The following AKAP9 variants were observed in gnomAD, a reference collection of about 807,000 sequenced individuals.
The protein encoded by AKAP9 is A-kinase anchor protein 9.
In AKAP9, 311 loss-of-function variants were observed where a neutral mutation model predicts 488.5. That is an observed-to-expected ratio of 0.64 (90% confidence interval 0.58 to 0.70). AKAP9 has a LOEUF of 0.70. AKAP9 is among the 30% of genes least tolerant of loss of function. The pLI is 0.00. For synonymous variants in AKAP9, 1,462 were observed against 1,483.5 expected, an observed-to-expected ratio of 0.99 and a Z score of 0.33; for missense variants, 4,215 against 4,374.5, an observed-to-expected ratio of 0.96 and a Z score of 1.03.
intron 40 of AKAP9, among the ~76,000 whole-genome samples, chr7:92,096,135 C>G (rs1816524760): frequency 6.6e-6 from 1 of 152,034 alleles, no homozygotes; most frequent in Non-Finnish European, 1.5e-5. Flanking sequence ...GAAATGTACC[C>G]TGCTTCATAT....
intron 22 of AKAP9, among the ~76,000 whole-genome samples, chr7:92,053,841 T>C (rs887890242): frequency 6.6e-6 from 1 of 152,134 alleles, no homozygotes; most frequent in African/African-American, 2.4e-5. Flanking sequence ...ACCCCAGACC[T>C]ACTGAAACTG....
chr7:92,070,838 AC>A, intron 27 of AKAP9, 66 bp from the exon 28 acceptor site: 11 of 1,220,846 alleles, frequency 9.0e-6, no homozygotes, highest in East Asian at 2.5e-5. Context: ...AGACCAAAAA[AC>A]AAAAAAAAAC....
intron 49 of AKAP9, among the ~76,000 whole-genome samples, chr7:92,109,416 TATC>T (rs966670932): frequency 1.6e-4 from 25 of 152,208 alleles, no homozygotes; most frequent in African/African-American, 5.8e-4. Context: ...AAACTTTTAT[TATC>T]ATAGCTGAGT....
At position 92,002,672 on chromosome 7, in the gene AKAP9, G is replaced by T; in HGVS notation, c.2755G>T (p.Glu919Ter). The T allele has an allele frequency of 6.2e-7, 1 of 1,613,386 alleles. No homozygotes were observed. ...TVKMKSSVFD[E>*]DKTFVAETLE... ...GAAAATGAAAAGTTCTGTCTTTGAT[G>T]AAGACAAAACTTTTGTAGCAGAAAC... The change falls in exon 8 of 50, where the codon GAA becomes TAA. Residue 919 changes from glutamate to a stop codon, truncating the protein, a stop_gained. Coordinates refer to ENST00000356239, the MANE Select transcript of AKAP9 (RefSeq NM_005751.5). LOFTEE classifies it high-confidence loss of function.
intron 8 of AKAP9, among the ~76,000 whole-genome samples, chr7:92,010,631 T>A (rs942346899): frequency 5.9e-5 from 9 of 152,178 alleles, no homozygotes; most frequent in Non-Finnish European, 1.0e-4. Flanking sequence ...AGTGCTGGGA[T>A]TACAGGAGTG....
In AKAP9 at chr7:92,107,479, A is replaced by G; in HGVS notation, c.11546+57A>G. 1.9e-6 allele frequency: 3 copies of G among 1,545,448 alleles called. No homozygotes were observed. The Middle Eastern group carries it at 5.1e-4, about 261-fold the overall frequency. On this transcript the variant is annotated intron_variant, in intron 48 of 49. Transcript: ENST00000356239. ...TTAAATGTATTAATATTTAACAGAGATAAATGGACATTTTTAGGGCTTTGA... is the reference window on the plus strand; with the variant it reads ...TTAAATGTATTAATATTTAACAGAGGTAAATGGACATTTTTAGGGCTTTGA...
At chr7:92,089,693 G>C in intron 38 of AKAP9, 164 bp downstream of exon 38, 2 of 805,824 alleles carry the variant, frequency 2.5e-6, no homozygotes, top group South Asian at 3.4e-5. Context: ...CTAGGGGTTA[G>C]AGGATTGTCT....
chr7:92,022,475 C>A, intron 13 of AKAP9, 123 bp downstream of exon 13: 1 of 716,242 alleles, frequency 1.4e-6, no homozygotes, highest in Non-Finnish European at 2.4e-6. Flanking sequence ...CCTCTCTGAT[C>A]TCAATTTTTT....
At chr7:92,000,231 A>G (rs1798982178) in intron 7 of AKAP9, among the ~76,000 whole-genome samples, 1 of 152,236 alleles carries the variant, frequency 6.6e-6, no homozygotes, top group African/African-American at 2.4e-5. Context: ...CCAAGTTGTT[A>G]TGCCATAAAT....
In AKAP9 at chr7:92,030,503, G is replaced by A. The variant is rs377626939; in HGVS notation, c.4245+512G>A. ...TAAAAATACAAAAAATTAGCTGAGC[G>A]TGGTGGCACTCGCCTGTAGTCCCAG... On this transcript the variant is annotated intron_variant, in intron 15 of 49. Coordinates refer to ENST00000356239, the MANE Select transcript of AKAP9 (RefSeq NM_005751.5). Among the ~76,000 whole-genome samples, 25 of 152,194 alleles carry A rather than the reference G, an allele frequency of 1.6e-4. No homozygotes were observed. In the East Asian group the frequency reaches 3.1e-3, roughly 19 times the overall value.
At chr7:92,085,432 A>G (rs1201410389) in intron 35 of AKAP9, 63 bp from the exon 36 acceptor site, 10 of 1,445,870 alleles carry the variant, frequency 6.9e-6, no homozygotes, top group Non-Finnish European at 1.9e-6. Context: ...TCTGTTTGTA[A>G]GTCTAATTTT....
chr7:92,068,376 A>G (rs989895880), intron 26 of AKAP9, among the ~76,000 whole-genome samples: 20 of 151,534 alleles, frequency 1.3e-4, no homozygotes, highest in East Asian at 5.8e-4. Context: ...AAAAAAAAAA[A>G]AAAAAAAAAA....
chr7:92,066,664 C>A, intron 26 of AKAP9, 118 bp downstream of exon 26: 1 of 1,303,914 alleles, frequency 7.7e-7, no homozygotes, highest in Non-Finnish European at 1.1e-6. Flanking sequence ...TCTTCAAAAT[C>A]AGAAAACTTA....
At chr7:91,985,221 G>T (rs1311063041) in intron 3 of AKAP9, among the ~76,000 whole-genome samples, 1 of 152,142 alleles carries the variant, frequency 6.6e-6, no homozygotes, top group African/African-American at 2.4e-5. Flanking sequence ...TCCAGTTTTT[G>T]CCCATTCAGT....
Position 92,000,951 on chromosome 7 carries a change from C to T in AKAP9, c.1034C>T (p.Thr345Ile), listed in dbSNP as rs372425259. ...NTKIIEEEKK[T>I]LELKDKLTTA... The stretch of plus-strand genomic sequence containing the variant: ...AAAATAATAGAAGAAGAAAAGAAAA[C>T]TCTTGAGCTAAAGGATAAATTAACA... Residue 345 changes from threonine to isoleucine, a missense_variant, in exon 8 of 50, where the codon ACT becomes ATT. Physicochemically the swap from Thr to Ile is moderately conservative, Grantham distance 89. Coordinates refer to ENST00000356239, the MANE Select transcript of AKAP9 (RefSeq NM_005751.5). 4.0e-6 allele frequency: 6 copies of T among 1,513,210 alleles called. No homozygotes were observed. In the African/African-American group the frequency reaches 8.4e-5, roughly 21 times the overall value. 93.7% of individuals were successfully genotyped at this position (1,513,210 alleles called of 1,614,324 possible). A position where few individuals can be genotyped will look rare whatever the true frequency, so the allele number is the denominator to read the frequency against.
intron 1 of AKAP9, among the ~76,000 whole-genome samples, chr7:91,956,097 C>A (rs1792953748): frequency 6.6e-6 from 1 of 151,944 alleles, no homozygotes; most frequent in South Asian, 2.1e-4. Context: ...ATAAGCAAAT[C>A]TTTGTTAAAA....
chr7:92,005,826 G>A (rs562166335), intron 8 of AKAP9, among the ~76,000 whole-genome samples: 10 of 142,392 alleles, frequency 7.0e-5, no homozygotes, highest in Non-Finnish European at 9.3e-5. Flanking sequence ...CCACCACCAC[G>A]CCTGGGTAAT....
intron 1 of AKAP9, among the ~76,000 whole-genome samples, chr7:91,944,634 G>T (rs1232931132): frequency 6.6e-6 from 1 of 152,114 alleles, no homozygotes; most frequent in Non-Finnish European, 1.5e-5. Flanking sequence ...TGATCTGCCT[G>T]CCTCGACCTC....
intron 46 of AKAP9, among the ~76,000 whole-genome samples, chr7:92,104,822 T>C (rs1161561383): frequency 4.6e-5 from 7 of 152,194 alleles, no homozygotes; most frequent in African/African-American, 1.7e-4. Flanking sequence ...GGTAGATGCA[T>C]TGATGAAAAA....
Sources: allele counts gnomAD v4.1 joint callset (sites outside exome capture counted in the v4.1 genomes callset), GRCh38; gene constraint gnomAD v4.1.1; transcripts MANE v1.5; gene names NCBI Gene and HGNC (gene_info 2026-07-23, HGNC 2026-07-21).